Variants in EXOC6B observed in about 807,000 individuals in gnomAD.
EXOC6B encodes the protein exocyst complex component 6B.
A neutral mutation model predicts 113.5 loss-of-function variants in EXOC6B; 54 were observed. The ratio of observed to expected loss-of-function variants is 0.48; its 90% confidence interval spans 0.38 to 0.60. The LOEUF is 0.60. EXOC6B is among the 20% of genes least tolerant of loss of function. The pLI is 0.00. For missense variants in EXOC6B, 797 were observed against 977.5 expected (o/e 0.82, Z 2.46); for synonymous variants, 357 against 339.0 (o/e 1.05, Z -0.58).
At chr2:72,308,313 A>G (rs539852244) in intron 20 of EXOC6B, among the ~76,000 whole-genome samples, 1 of 152,314 alleles carries the variant, frequency 6.6e-6, no homozygotes, top group African/African-American at 2.4e-5. Flanking sequence ...CTCTGGAGTC[A>G]TAAATTTATG....
At chr2:72,451,986 G>A (rs1696947400) in intron 18 of EXOC6B, among the ~76,000 whole-genome samples, 1 of 152,088 alleles carries the variant, frequency 6.6e-6, no homozygotes. Flanking sequence ...CCCACAACAT[G>A]TACAATATAT....
At chr2:72,685,258 A>C (rs1004205863) in intron 6 of EXOC6B, among the ~76,000 whole-genome samples, 1 of 152,226 alleles carries the variant, frequency 6.6e-6, no homozygotes, top group Non-Finnish European at 1.5e-5. Context: ...GTTAAGAAAA[A>C]AAAAGTAAAC....
Position 72,801,078 on chromosome 2 carries a change from G to A in EXOC6B, c.113+24720C>T, listed in dbSNP as rs10173937. Among the ~76,000 whole-genome samples the A allele has an allele frequency of 6.7e-3, 1,022 of 152,296 alleles. 14 individuals carry two copies. Among genetic ancestry groups the A allele is most frequent in the African/African-American group, 0.024 (988 of 41,562 alleles). On this transcript the variant is annotated intron_variant, in intron 1 of 21. Coordinates refer to ENST00000272427, the MANE Select transcript of EXOC6B (RefSeq NM_015189.3). ...ATACGTATTTGGGCTTGGTAGAACT[G>A]TGACAGATACAAAAGTTCAGTTCAG...
At chr2:72,246,215 T>C (rs1682648666) in intron 20 of EXOC6B, among the ~76,000 whole-genome samples, 1 of 152,160 alleles carries the variant, frequency 6.6e-6, no homozygotes, top group Non-Finnish European at 1.5e-5. Context: ...CAAATTTCAG[T>C]TTGGATGTCA....
At chr2:72,542,202 T>C (rs776206588) in intron 8 of EXOC6B, among the ~76,000 whole-genome samples, 6 of 152,200 alleles carry the variant, frequency 3.9e-5, no homozygotes, top group Admixed American at 3.3e-4. Flanking sequence ...CATTTCACAA[T>C]TATTTATTCA....
intron 6 of EXOC6B, among the ~76,000 whole-genome samples, chr2:72,639,850 GA>G (rs1296543622): frequency 1.3e-5 from 2 of 151,968 alleles, no homozygotes; most frequent in African/African-American, 4.8e-5. Context: ...TAGATTAAAG[GA>G]AAAAAACCTA....
In EXOC6B at chr2:72,266,306, G is replaced by A. The variant is rs1174225559; in HGVS notation, c.2196+68641C>T. 1.2e-3 allele frequency among the ~76,000 whole-genome samples: 184 copies of A among 149,698 alleles called. 1 individual carries two copies. The highest frequency in any genetic ancestry group is 7.0e-3 in the Middle Eastern group (2 of 284). ...GGCTTTTGTTGCCATTGCTTTTGGTGTTTTAGACATGAAGTCCTTGCCCAT... is the reference window on the plus strand; with the variant it reads ...GGCTTTTGTTGCCATTGCTTTTGGTATTTTAGACATGAAGTCCTTGCCCAT... On this transcript the variant is annotated intron_variant, in intron 20 of 21. Coordinates refer to ENST00000272427, the MANE Select transcript of EXOC6B (RefSeq NM_015189.3).
At chr2:72,560,190 C>T (rs771071936) in intron 7 of EXOC6B, among the ~76,000 whole-genome samples, 37 of 151,708 alleles carry the variant, frequency 2.4e-4, no homozygotes, top group Non-Finnish European at 1.5e-4. Context: ...CAGGTAAGAA[C>T]TGGAGTCTAG....
chr2:72,290,246 G>A (rs1161987227), intron 20 of EXOC6B, among the ~76,000 whole-genome samples: 1 of 152,136 alleles, frequency 6.6e-6, no homozygotes, highest in Non-Finnish European at 1.5e-5. Context: ...TAATCTGTAT[G>A]TGTGTGTATA....
intron 6 of EXOC6B, among the ~76,000 whole-genome samples, chr2:72,703,764 C>T (rs1206161974): frequency 3.5e-5 from 4 of 115,756 alleles, no homozygotes; most frequent in Admixed American, 9.8e-5. Context: ...GATTTTTGTA[C>T]ATTGATTTTG....
intron 1 of EXOC6B, among the ~76,000 whole-genome samples, chr2:72,795,707 T>C (rs762189004): frequency 6.6e-6 from 1 of 152,208 alleles, no homozygotes; most frequent in Non-Finnish European, 1.5e-5. Flanking sequence ...ATATATTAGG[T>C]TACATGGCAA....
At chr2:72,754,954 T>A (rs951912218) in intron 1 of EXOC6B, among the ~76,000 whole-genome samples, 79 of 152,154 alleles carry the variant, frequency 5.2e-4, no homozygotes, top group African/African-American at 1.8e-3. Context: ...TTTAAAAATC[T>A]ATTTTTTTTA....
At chr2:72,187,041 G>A (rs1045384154) in intron 20 of EXOC6B, among the ~76,000 whole-genome samples, 1 of 152,132 alleles carries the variant, frequency 6.6e-6, no homozygotes, top group African/African-American at 2.4e-5. Context: ...TGTGGAGTCC[G>A]GCCACTGAAC....
Position 72,569,700 on chromosome 2 carries a change from A to T in EXOC6B, c.846+5792T>A, listed in dbSNP as rs147977498. Among the ~76,000 whole-genome samples, 541 of 152,070 alleles carry T rather than the reference A, an allele frequency of 3.6e-3. 3 individuals carry two copies. The highest frequency in any genetic ancestry group is 0.011 in the African/African-American group (468 of 41,494). On this transcript the variant is annotated intron_variant, in intron 7 of 21. Transcript: ENST00000272427. ...AGCCTTTATTTAAGTTTAAGTTTAA[A>T]CTCTAAACTTCTAAAGTAGCCTTTA...
intron 1 of EXOC6B, among the ~76,000 whole-genome samples, chr2:72,772,064 T>C (rs1028761661): frequency 2.0e-5 from 3 of 152,112 alleles, no homozygotes; most frequent in Admixed American, 6.6e-5. Context: ...CTAGGTAGAA[T>C]GCAGAAATAA....
chr2:72,268,412 C>A (rs1156688398), intron 20 of EXOC6B, among the ~76,000 whole-genome samples: 1 of 151,574 alleles, frequency 6.6e-6, no homozygotes. Context: ...GTGCCCAGCT[C>A]AACATATAAA....
intron 18 of EXOC6B, among the ~76,000 whole-genome samples, chr2:72,425,912 T>C (rs958887663): frequency 2.0e-5 from 3 of 152,204 alleles, no homozygotes; most frequent in Non-Finnish European, 4.4e-5. Flanking sequence ...TTTAAAAACA[T>C]TGTATGTGAC....
intron 20 of EXOC6B, among the ~76,000 whole-genome samples, chr2:72,313,974 A>G (rs1006493554): frequency 6.6e-6 from 1 of 152,186 alleles, no homozygotes; most frequent in African/African-American, 2.4e-5. Context: ...TAGACCCTCC[A>G]GGACACTGAG....
intron 20 of EXOC6B, among the ~76,000 whole-genome samples, chr2:72,192,238 C>A (rs1299292439): frequency 6.6e-6 from 1 of 152,152 alleles, no homozygotes; most frequent in Non-Finnish European, 1.5e-5. Context: ...AGGTAGTCAG[C>A]AAAGACATGG....
Sources: allele counts gnomAD v4.1 joint callset (sites outside exome capture counted in the v4.1 genomes callset), GRCh38; gene constraint gnomAD v4.1.1; transcripts MANE v1.5; gene names NCBI Gene and HGNC (gene_info 2026-07-23, HGNC 2026-07-21).